Variants in PTPRD observed in about 807,000 individuals in gnomAD.
The protein encoded by PTPRD is receptor-type tyrosine-protein phosphatase delta.
In PTPRD, 34 loss-of-function variants were observed where a neutral mutation model predicts 214.5. The observed-to-expected ratio is 0.16, with a 90% CI of 0.12 to 0.21. The LOEUF (loss-of-function observed/expected upper bound fraction) is 0.21. Ranked by LOEUF, PTPRD falls within the 10% of genes least tolerant of loss-of-function variation. PTPRD has a pLI of 1.00. For synonymous variants in PTPRD, 1,128 were observed against 845.7 expected (o/e 1.33, Z -5.79); for missense variants, 2,545 against 2,398.7 (o/e 1.06, Z -1.27).
intron 3 of PTPRD, among the ~76,000 whole-genome samples, chr9:10,288,247 T>A (rs2095423730): frequency 6.6e-6 from 1 of 151,520 alleles, no homozygotes; most frequent in South Asian, 2.1e-4. Context: ...AACTTAAAGC[T>A]TCCATAACCA....
rs2135787771 is a variant in PTPRD at position 8,484,327 on chromosome 9, G to C, written c.3205C>G (p.Gln1069Glu). Residue 1069 changes from glutamine (Q) to glutamate (E), a missense_variant, in exon 30 of 46, where the codon CAG becomes GAG. Gln to Glu is a conservative substitution (Grantham distance 29). Coordinates refer to ENST00000381196, the MANE Select transcript of PTPRD (RefSeq NM_002839.4). ...GGCTTCAGGTTGACAATTAACTTCT[G>C]TGTGGCTCGGCCATCCACTTCTTCT... is the stretch of plus-strand genomic sequence containing the variant. ...MVEEVDGRAT[Q>E]KLIVNLKPEK... 2.5e-6 allele frequency: 4 copies of C among 1,613,938 alleles called. No individual in the cohort carries two copies. Among genetic ancestry groups the C allele is most frequent in the Non-Finnish European group, 3.4e-6 (4 of 1,180,006 alleles).
chr9:8,492,805 A>T (rs1448906071), intron 27 of PTPRD, 57 bp downstream of exon 27: 1 of 1,270,512 alleles, frequency 7.9e-7, no homozygotes, highest in Non-Finnish European at 1.1e-6. Flanking sequence ...AGCTACCTAT[A>T]CCATTTAAAA....
At chr9:9,438,951 G>A (rs543485466) in intron 8 of PTPRD, among the ~76,000 whole-genome samples, 1 of 152,048 alleles carries the variant, frequency 6.6e-6, no homozygotes, top group Non-Finnish European at 1.5e-5. Context: ...ATCATTATCA[G>A]TCTGTGGTGT....
chr9:9,899,404 A>G (rs563678628), intron 5 of PTPRD, among the ~76,000 whole-genome samples: 1 of 152,160 alleles, frequency 6.6e-6, no homozygotes, highest in Non-Finnish European at 1.5e-5. Context: ...ATGTGAATCG[A>G]TATTTCTGTA....
chr9:9,373,067 A>C (rs909649578), intron 9 of PTPRD, among the ~76,000 whole-genome samples: 5 of 152,068 alleles, frequency 3.3e-5, no homozygotes, highest in Admixed American at 3.3e-4. Context: ...ACTATCTCTG[A>C]TGCCATGCTC....
In PTPRD at chr9:9,922,461, T is replaced by C. The variant is rs143109660; in HGVS notation, c.-368+16046A>G. ...CCCAAGCCCCCATTCTAAAATTCCC[T>C]TGTGAAATATGAATGAAGAGCCACA... is the stretch of plus-strand genomic sequence containing the variant. On this transcript the variant is annotated intron_variant, in intron 5 of 45. Coordinates refer to ENST00000381196, the MANE Select transcript of PTPRD (RefSeq NM_002839.4). 6.9e-3 allele frequency among the ~76,000 whole-genome samples: 1,046 copies of C among 152,156 alleles called. 12 individuals carry two copies. Among genetic ancestry groups the C allele is most frequent in the South Asian group, 0.033 (161 of 4,824 alleles).
At chr9:9,735,768 A>G (rs1295287452) in intron 6 of PTPRD, among the ~76,000 whole-genome samples, 1 of 152,146 alleles carries the variant, frequency 6.6e-6, no homozygotes, top group Non-Finnish European at 1.5e-5. Context: ...TCTATCTCTT[A>G]GAAACCTTTG....
At chr9:8,525,348 G>A (rs897936504) in intron 17 of PTPRD, among the ~76,000 whole-genome samples, 1 of 151,964 alleles carries the variant, frequency 6.6e-6, no homozygotes. Flanking sequence ...CTGCTTCAAG[G>A]AAGTATGGCT....
intron 4 of PTPRD, among the ~76,000 whole-genome samples, chr9:10,001,567 G>T (rs745585509): frequency 1.3e-5 from 2 of 152,074 alleles, no homozygotes; most frequent in Non-Finnish European, 2.9e-5. Flanking sequence ...CTTCTCTTCA[G>T]AAATCACTGA....
intron 12 of PTPRD, among the ~76,000 whole-genome samples, chr9:8,654,965 T>C (rs2096881337): frequency 1.3e-5 from 2 of 152,220 alleles, no homozygotes; most frequent in African/African-American, 4.8e-5. Context: ...AGATTGTTTT[T>C]TTCATAAGAA....
intron 39 of PTPRD, among the ~76,000 whole-genome samples, chr9:8,346,346 G>A (rs939478065): frequency 1.3e-5 from 2 of 152,126 alleles, no homozygotes; most frequent in East Asian, 1.9e-4. Flanking sequence ...TTTCTTAATT[G>A]TTTCAAATTA....
intron 27 of PTPRD, among the ~76,000 whole-genome samples, chr9:8,489,847 C>T (rs2097113334): frequency 6.6e-6 from 1 of 152,184 alleles, no homozygotes. Flanking sequence ...CTATAGGTAT[C>T]AAACATTTAC....
chr9:9,396,532 T>C (rs2067889582), intron 9 of PTPRD, among the ~76,000 whole-genome samples: 1 of 152,036 alleles, frequency 6.6e-6, no homozygotes, highest in Non-Finnish European at 1.5e-5. Flanking sequence ...TCCCATACAG[T>C]TGATCTATTA....
At chr9:9,388,162 T>C (rs1455895099) in intron 9 of PTPRD, among the ~76,000 whole-genome samples, 1 of 152,170 alleles carries the variant, frequency 6.6e-6, no homozygotes, top group East Asian at 1.9e-4. Context: ...GCTTGTGTCT[T>C]CTTCCATTGA....
chr9:8,718,662 C>A (rs1214001843), intron 12 of PTPRD, among the ~76,000 whole-genome samples: 1 of 152,140 alleles, frequency 6.6e-6, no homozygotes, highest in African/African-American at 2.4e-5. Context: ...CTATACAATT[C>A]TAAACAACCT....
intron 11 of PTPRD, among the ~76,000 whole-genome samples, chr9:8,764,238 C>T (rs775764620): frequency 1.3e-5 from 2 of 152,108 alleles, no homozygotes; most frequent in Non-Finnish European, 2.9e-5. Flanking sequence ...ACATATTTTA[C>T]TGTGATGTGA....
intron 3 of PTPRD, among the ~76,000 whole-genome samples, chr9:10,118,249 C>T (rs901535959): frequency 2.0e-5 from 3 of 149,422 alleles, no homozygotes; most frequent in Non-Finnish European, 3.0e-5. Flanking sequence ...TATCCATTAT[C>T]TTATATCTAT....
chr9:9,748,589 T>C (rs997964948), intron 6 of PTPRD, among the ~76,000 whole-genome samples: 1 of 152,168 alleles, frequency 6.6e-6, no homozygotes, highest in African/African-American at 2.4e-5. Context: ...GGAGGAGTAC[T>C]GCTGAGGTAC....
intron 36 of PTPRD, among the ~76,000 whole-genome samples, chr9:8,400,230 A>C (rs775638213): frequency 3.3e-5 from 5 of 152,222 alleles, no homozygotes; most frequent in Non-Finnish European, 7.3e-5. Context: ...CAACTGCAAT[A>C]ATTAATTTTT....
Sources: gnomAD v4.1 joint callset for allele counts (sites outside exome capture counted in the v4.1 genomes callset) on GRCh38, gnomAD v4.1.1 for gene constraint, MANE v1.5 for transcripts, NCBI Gene and HGNC (gene_info 2026-07-23, HGNC 2026-07-21) for gene names.